Variants in FILIP1L observed in about 807,000 individuals in gnomAD.
FILIP1L encodes filamin A interacting protein 1 like.
A neutral mutation model predicts 96.6 loss-of-function variants in FILIP1L; 55 were observed. That is an observed-to-expected ratio of 0.57 (90% confidence interval 0.46 to 0.71). The LOEUF is 0.71. Among genes scored for constraint, FILIP1L ranks in the 30% least tolerant of loss-of-function variants. The pLI is 0.00. For synonymous variants in FILIP1L, 467 were observed against 473.9 expected (o/e 0.99, Z 0.19); for missense variants, 1,304 against 1,321.2 (o/e 0.99, Z 0.20).
chr3:99,912,552 A>AT (rs1706825237), intron 4 of FILIP1L, among the ~76,000 whole-genome samples: 1 of 151,906 alleles, frequency 6.6e-6, no homozygotes, highest in African/African-American at 2.4e-5. Context: ...TAAATTTTGT[A>AT]TTTTTTGTAG....
At chr3:100,028,602 TAG>T (rs1324926496) in intron 1 of FILIP1L, among the ~76,000 whole-genome samples, 5 of 152,198 alleles carry the variant, frequency 3.3e-5, no homozygotes, top group African/African-American at 7.2e-5. Context: ...TGTATTTACC[TAG>T]TAGGCACTTA....
intron 4 of FILIP1L, among the ~76,000 whole-genome samples, chr3:99,864,381 T>C (rs532631637): frequency 9.9e-5 from 15 of 152,282 alleles, no homozygotes; most frequent in South Asian, 8.3e-4. Context: ...TTAATACTTA[T>C]AGCAACTGTA....
chr3:100,041,114 GT>G (rs1240918678), intron 1 of FILIP1L: 1 of 152,124 alleles, frequency 6.6e-6, no homozygotes, highest in Non-Finnish European at 1.5e-5. Context: ...GACTGCCAAA[GT>G]TTTATTTCAG....
In FILIP1L at chr3:99,849,271, G is replaced by T; in HGVS notation, c.2405C>A (p.Thr802Lys). The stretch of plus-strand genomic sequence containing the variant: ...AGGTGGTTCATTGTCTACTGCTTCT[G>T]TCTGAACTTCTTTAGAAAATACTTG... ...DPQVFSKEVQ[T>K]EAVDNEPPDY... Residue 802 changes from threonine (T) to lysine (K), a missense_variant, in exon 5 of 6, where the codon ACA becomes AAA. Physicochemically the swap from Thr to Lys is moderately conservative, Grantham distance 78 (BLOSUM62 -1). Coordinates refer to ENST00000477258, the MANE Select transcript of FILIP1L (RefSeq NM_001387850.1). 6.2e-7 allele frequency: 1 copy of T among 1,614,140 alleles called. No homozygotes were observed. Among genetic ancestry groups the T allele is most frequent in the Non-Finnish European group, 8.5e-7 (1 of 1,180,014 alleles).
chr3:99,921,834 C>G (rs1221350163), intron 4 of FILIP1L, among the ~76,000 whole-genome samples: 1 of 152,136 alleles, frequency 6.6e-6, no homozygotes, highest in African/African-American at 2.4e-5. Context: ...ATTTTTCCCA[C>G]AATTTTTCTT....
chr3:100,082,479 C>T (rs2107408244), intron 1 of FILIP1L, among the ~76,000 whole-genome samples: 1 of 152,118 alleles, frequency 6.6e-6, no homozygotes, highest in East Asian at 1.9e-4. Flanking sequence ...CTATTTTCTT[C>T]TATCAGTGAG....
chr3:99,868,082 G>C (rs1458608399), intron 4 of FILIP1L, among the ~76,000 whole-genome samples: 1 of 152,130 alleles, frequency 6.6e-6, no homozygotes, highest in Non-Finnish European at 1.5e-5. Context: ...TTTTTTGTGG[G>C]TGCATGGTAA....
At chr3:100,063,637 T>G (rs1354421211) in intron 1 of FILIP1L, among the ~76,000 whole-genome samples, 1 of 152,222 alleles carries the variant, frequency 6.6e-6, no homozygotes, top group Non-Finnish European at 1.5e-5. Context: ...AAGGATTATT[T>G]TAATCTGGGG....
At chr3:100,022,565 T>A (rs569052158) in intron 1 of FILIP1L, among the ~76,000 whole-genome samples, 1 of 152,340 alleles carries the variant, frequency 6.6e-6, no homozygotes, top group South Asian at 2.1e-4. Context: ...ACCCTTGGTT[T>A]ATTATTCTTT....
chr3:99,830,793 G>A (rs1371057865), intron 5 of FILIP1L, among the ~76,000 whole-genome samples, 188 bp from the exon 6 acceptor site: 2 of 152,200 alleles, frequency 1.3e-5, no homozygotes, highest in Non-Finnish European at 1.5e-5. Flanking sequence ...TGTGTTGAAT[G>A]TGTGCTGTGT....
At chr3:99,981,506 A>G (rs1709123495) in intron 1 of FILIP1L, among the ~76,000 whole-genome samples, 1 of 152,202 alleles carries the variant, frequency 6.6e-6, no homozygotes. Context: ...ATACAATGAT[A>G]CATGATAAAT....
chr3:99,954,353 C>G (rs1383846811), intron 1 of FILIP1L, among the ~76,000 whole-genome samples: 1 of 152,180 alleles, frequency 6.6e-6, no homozygotes, highest in Admixed American at 6.5e-5. Context: ...GCCAGTATCT[C>G]ACATAATAAT....
Position 99,849,740 on chromosome 3 carries a change from C to G in FILIP1L, c.1936G>C (p.Glu646Gln), listed in dbSNP as rs765805139. Reference protein sequence around the residue: ...KLKLKDMKAIEDDLMKTEDEY... With the variant: ...KLKLKDMKAIQDDLMKTEDEY... ...TCTTCTGTTTTCATGAGGTCATCCT[C>G]AATGGCTTTCATGTCCTTTAGCTTC... Residue 646 changes from glutamate (E) to glutamine (Q), a missense_variant, in exon 5 of 6, where the codon GAG becomes CAG. Glu to Gln is a conservative substitution (Grantham distance 29). Transcript: ENST00000477258. The G allele has an allele frequency of 1.9e-6, 3 of 1,613,676 alleles. No homozygotes were observed. Among genetic ancestry groups the G allele is most frequent in the Non-Finnish European group, 2.5e-6 (3 of 1,180,004 alleles).
At position 99,931,042 on chromosome 3, in the gene FILIP1L, G is replaced by A; in HGVS notation, c.-10-12C>T. 1 of 1,606,646 alleles carries A rather than the reference G, an allele frequency of 6.2e-7. No individual in the cohort carries two copies. The highest frequency in any genetic ancestry group is 1.7e-5 in the Admixed American group (1 of 58,728). On this transcript the variant is annotated splice_polypyrimidine_tract_variant and intron_variant, in intron 1 of 5. Coordinates refer to ENST00000477258, the MANE Select transcript of FILIP1L (RefSeq NM_001387850.1). ...GCATTCTTTAAAGCCTGGAAGGAGG[G>A]AAGAAAATTTGTAAAGCTTAATGGA...
At chr3:99,989,749 C>T (rs935818945) in intron 1 of FILIP1L, among the ~76,000 whole-genome samples, 3 of 149,570 alleles carry the variant, frequency 2.0e-5, no homozygotes, top group African/African-American at 7.4e-5. Flanking sequence ...ATTTAGTATG[C>T]TAATATGTTA....
chr3:99,988,438 G>A (rs1045746798), intron 1 of FILIP1L, among the ~76,000 whole-genome samples: 11 of 149,386 alleles, frequency 7.4e-5, no homozygotes, highest in Non-Finnish European at 1.5e-4. Context: ...CTTGAATGTG[G>A]GAGGCGGAGG....
At chr3:99,999,939 ATAAAGGTATCTCTAGACT>A (rs1709794293) in intron 1 of FILIP1L, among the ~76,000 whole-genome samples, 1 of 152,196 alleles carries the variant, frequency 6.6e-6, no homozygotes, top group Non-Finnish European at 1.5e-5. Flanking sequence ...TTGTGTTGAC[ATAAAGGTATCTCTAGACT>A]CTAGAACAGT....
At chr3:99,945,885 G>T (rs934325375) in intron 1 of FILIP1L, among the ~76,000 whole-genome samples, 1 of 152,224 alleles carries the variant, frequency 6.6e-6, no homozygotes, top group African/African-American at 2.4e-5. Flanking sequence ...AGAGCCAGTG[G>T]GAGAAGCCCT....
chr3:100,052,241 C>T (rs2065386409), intron 1 of FILIP1L, among the ~76,000 whole-genome samples: 1 of 152,232 alleles, frequency 6.6e-6, no homozygotes, highest in Non-Finnish European at 1.5e-5. Context: ...TACTAATACA[C>T]TCCATTGGAG....
Sources: allele counts gnomAD v4.1 joint callset (sites outside exome capture counted in the v4.1 genomes callset), GRCh38; gene constraint gnomAD v4.1.1; transcripts MANE v1.5; gene names NCBI Gene and HGNC (gene_info 2026-07-23, HGNC 2026-07-21).